Variants in CEP112 observed in about 807,000 individuals in gnomAD.
The protein encoded by CEP112 is centrosomal protein 112.
In CEP112, 127 loss-of-function variants were observed where a neutral mutation model predicts 153.0. That is an observed-to-expected ratio of 0.83 (90% CI 0.72 to 0.96). The LOEUF is 0.96. CEP112 is among the 40% of genes least tolerant of loss of function. The pLI is 0.00. For synonymous variants in CEP112, 358 were observed against 374.4 expected (o/e 0.96, Z 0.51); for missense variants, 1,089 against 1,101.2 (o/e 0.99, Z 0.16).
chr17:65,691,579 A>C (rs1202806846), intron 23 of CEP112, among the ~76,000 whole-genome samples: 1 of 152,172 alleles, frequency 6.6e-6, no homozygotes, highest in Non-Finnish European at 1.5e-5. Flanking sequence ...CTACAACTCA[A>C]CCAGGTCTGA....
chr17:65,657,713 T>C (rs2046130439), intron 24 of CEP112, among the ~76,000 whole-genome samples: 1 of 152,212 alleles, frequency 6.6e-6, no homozygotes, highest in Non-Finnish European at 1.5e-5. Flanking sequence ...GGTGAGACTC[T>C]TGAGGTTTAT....
At chr17:66,181,348 C>CT (rs902963242) in intron 2 of CEP112, among the ~76,000 whole-genome samples, 17 of 150,386 alleles carry the variant, frequency 1.1e-4, no homozygotes, top group Non-Finnish European at 1.8e-4. Flanking sequence ...ATGTACCTAA[C>CT]TTTTTTTTTT....
At chr17:65,668,113 C>T (rs1346048670) in intron 24 of CEP112, among the ~76,000 whole-genome samples, 2 of 152,212 alleles carry the variant, frequency 1.3e-5, no homozygotes, top group South Asian at 2.1e-4. Flanking sequence ...CCAGGCTGGT[C>T]TCGAACTCCT....
intron 8 of CEP112, among the ~76,000 whole-genome samples, chr17:66,091,525 T>C (rs897047766): frequency 6.6e-6 from 1 of 152,068 alleles, no homozygotes; most frequent in Non-Finnish European, 1.5e-5. Context: ...CAAAAACTTA[T>C]GGGATACAGC....
At chr17:65,875,239 A>G (rs1334181342) in intron 20 of CEP112, among the ~76,000 whole-genome samples, 3 of 152,124 alleles carry the variant, frequency 2.0e-5, no homozygotes, top group African/African-American at 7.2e-5. Context: ...ATATCAGGAA[A>G]GTTGACACAA....
chr17:66,138,914 A>C (rs1485340079), intron 4 of CEP112, among the ~76,000 whole-genome samples: 2 of 152,176 alleles, frequency 1.3e-5, no homozygotes, highest in African/African-American at 4.8e-5. Flanking sequence ...AAAGGAAATT[A>C]GAAAACATCT....
At chr17:66,101,448 A>T (rs1170667695) in intron 6 of CEP112, among the ~76,000 whole-genome samples, 2 of 152,124 alleles carry the variant, frequency 1.3e-5, no homozygotes, top group East Asian at 3.8e-4. Flanking sequence ...CAAGAGGGAA[A>T]AAAAAGATAA....
chr17:65,938,437 GA>G (rs982410158), intron 18 of CEP112, among the ~76,000 whole-genome samples: 43 of 138,692 alleles, frequency 3.1e-4, no homozygotes, highest in African/African-American at 8.5e-4. Flanking sequence ...AAAAAAGAAA[GA>G]AAAAAAAATA....
intron 20 of CEP112, 71 bp downstream of exon 20, chr17:65,902,081 T>G (rs1268259843): frequency 9.9e-7 from 1 of 1,010,790 alleles, no homozygotes; most frequent in East Asian, 3.0e-5. Context: ...ATAAGAATAA[T>G]AAGAAAACAT....
intron 11 of CEP112, among the ~76,000 whole-genome samples, chr17:66,058,621 A>G (rs12450177): frequency 0.41 from 62,434 of 151,966 alleles, 14,296 homozygotes; most frequent in East Asian, 0.87. Flanking sequence ...AGGCTGAGGC[A>G]GGAGGATCGC....
At chr17:65,948,630 C>T (rs1485502880) in intron 18 of CEP112, among the ~76,000 whole-genome samples, 1 of 151,582 alleles carries the variant, frequency 6.6e-6, no homozygotes, top group Non-Finnish European at 1.5e-5. Flanking sequence ...TGCATTTTCA[C>T]AATTAAAATA....
chr17:66,043,017 T>C, intron 12 of CEP112: 1 of 814,722 alleles, frequency 1.2e-6, no homozygotes, highest in Non-Finnish European at 1.5e-6. Context: ...TGAATTATCA[T>C]ATGTCACTAC....
chr17:66,035,229 C>A (rs911748613), intron 12 of CEP112, among the ~76,000 whole-genome samples: 1 of 151,662 alleles, frequency 6.6e-6, no homozygotes, highest in Admixed American at 6.6e-5. Flanking sequence ...AAATAGGTAA[C>A]CCGAGGACTG....
chr17:65,967,798 A>G (rs1301253193), intron 17 of CEP112, among the ~76,000 whole-genome samples: 2 of 152,168 alleles, frequency 1.3e-5, no homozygotes, highest in South Asian at 2.1e-4. Flanking sequence ...GTCCATAAAT[A>G]AAACAAACTC....
chr17:65,821,540 ATTTTTT>A (rs869059954), intron 21 of CEP112, among the ~76,000 whole-genome samples: 4 of 33,628 alleles, frequency 1.2e-4, no homozygotes, highest in African/African-American at 5.7e-4. Flanking sequence ...ATATATATAT[ATTTTTT>A]TTTTTTTTTT....
chr17:65,924,628 T>C (rs1005270138), intron 19 of CEP112, among the ~76,000 whole-genome samples: 11 of 152,322 alleles, frequency 7.2e-5, no homozygotes, highest in Non-Finnish European at 1.2e-4. Flanking sequence ...GTGGCAACTC[T>C]TTTAAAACAT....
chr17:66,015,384 T>G (rs1305359233), intron 16 of CEP112, among the ~76,000 whole-genome samples: 2 of 122,278 alleles, frequency 1.6e-5, no homozygotes, highest in Non-Finnish European at 3.5e-5. Context: ...CGTTCTTGAG[T>G]ATTTTTTTTG....
chr17:66,045,696 C>T (rs1416507120), intron 12 of CEP112, among the ~76,000 whole-genome samples: 1 of 152,130 alleles, frequency 6.6e-6, no homozygotes, highest in Non-Finnish European at 1.5e-5. Flanking sequence ...GATGTGTGCT[C>T]ATATATGTAC....
chr17:65,943,994 A>G (rs1176785031), intron 18 of CEP112, among the ~76,000 whole-genome samples: 1 of 152,132 alleles, frequency 6.6e-6, no homozygotes, highest in African/African-American at 2.4e-5. Flanking sequence ...TTAACTTTTG[A>G]GACTTGTCGT....
Sources: allele counts gnomAD v4.1 joint callset (sites outside exome capture counted in the v4.1 genomes callset), GRCh38; gene constraint gnomAD v4.1.1; transcripts MANE v1.5; gene names NCBI Gene and HGNC (gene_info 2026-07-23, HGNC 2026-07-21).